The following STAT4 variants were observed in gnomAD, a reference collection of about 807,000 sequenced individuals.
The protein encoded by STAT4 is signal transducer and activator of transcription 4.
Under a neutral mutation model 110.5 loss-of-function variants are expected in STAT4, and 42 were observed. The observed-to-expected ratio is 0.38, with a 90% confidence interval of 0.30 to 0.49. The LOEUF is 0.49. Ranked by LOEUF, STAT4 falls within the 20% of genes least tolerant of loss-of-function variation. The pLI, the probability that STAT4 is intolerant of heterozygous loss-of-function variation, is 0.95. For synonymous variants in STAT4, 284 were observed against 302.2 expected (o/e 0.94, Z 0.63); for missense variants, 632 against 887.9 (o/e 0.71, Z 3.66).
At chr2:191,064,995 A>C (rs368436903) in intron 7 of STAT4, 37 bp from the exon 8 acceptor site, 9 of 1,489,626 alleles carry the variant, frequency 6.0e-6, no homozygotes, top group Non-Finnish European at 8.1e-6. Context: ...GAGTTTCATA[A>C]GAAATAAGTC....
chr2:191,136,928 G>A (rs1699194639), intron 3 of STAT4, among the ~76,000 whole-genome samples: 1 of 152,022 alleles, frequency 6.6e-6, no homozygotes. Context: ...AATTAGCTGA[G>A]AAAGAAATCA....
At chr2:191,148,530 C>G (rs1404692355) in intron 1 of STAT4, among the ~76,000 whole-genome samples, 1 of 152,192 alleles carries the variant, frequency 6.6e-6, no homozygotes, top group Non-Finnish European at 1.5e-5. Flanking sequence ...AGCTCTTTCC[C>G]TATCTCTTGT....
rs1574139503 is a variant in STAT4 at position 191,083,303 on chromosome 2, G to A, written c.274-6978C>T. On this transcript the variant is annotated intron_variant, in intron 3 of 23. Transcript: ENST00000392320. This position sits in a 1 kb window ranked among gnomAD's most constrained non-coding sequence, Gnocchi z 4.6. ...GATGGGCTGAGAACCCTTGAAGTTG[G>A]TATGGAATATGTGACAGAGTTATCT... is the stretch of plus-strand genomic sequence containing the variant. Among the ~76,000 whole-genome samples the A allele has an allele frequency of 6.6e-6, 1 of 152,186 alleles. No homozygotes were observed. The highest frequency in any genetic ancestry group is 6.5e-5 in the Admixed American group (1 of 15,280).
At chr2:191,126,143 A>C (rs1266164045) in intron 3 of STAT4, among the ~76,000 whole-genome samples, 1 of 152,234 alleles carries the variant, frequency 6.6e-6, no homozygotes, top group Non-Finnish European at 1.5e-5. Flanking sequence ...CTTGTTTTCA[A>C]GCAGATCTAT....
chr2:191,139,942 C>T (rs1015606539), intron 3 of STAT4, among the ~76,000 whole-genome samples: 4 of 151,914 alleles, frequency 2.6e-5, no homozygotes, highest in African/African-American at 4.8e-5. Flanking sequence ...AACCCAGAAA[C>T]AAAGGCAAAT....
chr2:191,116,231 T>C lies in STAT4; in HGVS notation c.273+30382A>G, dbSNP rs775692574. Among the ~76,000 whole-genome samples the C allele has an allele frequency of 6.6e-6, 1 of 152,208 alleles. No homozygotes were observed. The highest frequency in any genetic ancestry group is 6.5e-5 in the Admixed American group (1 of 15,278). On this transcript the variant is annotated intron_variant, in intron 3 of 23. Transcript: ENST00000392320. This position sits in a 1 kb window ranked among gnomAD's most constrained non-coding sequence, Gnocchi z 4.1. ...GTTCACTGATGCTGACAAGAGGGAA[T>C]TGGTTTGATAATACAGTGCTTTTAC...
rs558264025 is a variant in STAT4, at chr2:191,126,664, T to C, written c.273+19949A>G. Among the ~76,000 whole-genome samples, 24 of 152,324 alleles carry C rather than the reference T, an allele frequency of 1.6e-4. No homozygotes were observed. In the South Asian group the frequency reaches 4.8e-3, roughly 30 times the overall value. On this transcript the variant is annotated intron_variant, in intron 3 of 23. Coordinates refer to ENST00000392320, the MANE Select transcript of STAT4 (RefSeq NM_003151.4). ...TTGGCAGCTTCTCTGCAAGCTTCTGTTACAGCTGTCAGGCCAGCAGATTCA... is the reference window on the plus strand; with the variant it reads ...TTGGCAGCTTCTCTGCAAGCTTCTGCTACAGCTGTCAGGCCAGCAGATTCA...
rs949604570 is a variant in STAT4, at chr2:191,150,704, C to G, written c.-2+243G>C. Among the ~76,000 whole-genome samples, 1 of 152,200 alleles carries G rather than the reference C, an allele frequency of 6.6e-6. No homozygotes were observed. Among genetic ancestry groups the G allele is most frequent in the Non-Finnish European group, 1.5e-5 (1 of 68,030 alleles). On this transcript the variant is annotated intron_variant, in intron 1 of 23. Transcript: ENST00000392320. The surrounding 1 kb of genome is among the most constrained non-coding windows in gnomAD (Gnocchi z 6.4). Reference sequence around the variant, plus strand: ...CAGCCGCCGCAGCTCCCCTGGCCCCCGCAGGGAGATTCGCCCGGGCACCGT... The same window carrying G: ...CAGCCGCCGCAGCTCCCCTGGCCCCGGCAGGGAGATTCGCCCGGGCACCGT...
intron 3 of STAT4, among the ~76,000 whole-genome samples, chr2:191,133,929 T>C (rs569153190): frequency 1.3e-5 from 2 of 148,320 alleles, no homozygotes; most frequent in East Asian, 3.9e-4. Flanking sequence ...CAAAAAGAAA[T>C]GAGCTATTAA....
Position 191,051,016 on chromosome 2 carries a change from C to T in STAT4, c.1251+3474G>A, listed in dbSNP as rs751037576. Among the ~76,000 whole-genome samples the T allele has an allele frequency of 3.3e-5, 5 of 152,032 alleles. No homozygotes were observed. The highest frequency in any genetic ancestry group is 6.6e-5 in the Admixed American group (1 of 15,264). On this transcript the variant is annotated intron_variant, in intron 14 of 23. Transcript: ENST00000392320. The surrounding 1 kb of genome is among the most constrained non-coding windows in gnomAD (Gnocchi z 5.6). ...CTTACAACCAAAAAGTAGAATGGAGCGACCCAAAATTGTGTGTGTGCGTGT... is the reference window on the plus strand; with the variant it reads ...CTTACAACCAAAAAGTAGAATGGAGTGACCCAAAATTGTGTGTGTGCGTGT...
chr2:191,137,501 A>T (rs1174943436), intron 3 of STAT4, among the ~76,000 whole-genome samples: 1 of 152,210 alleles, frequency 6.6e-6, no homozygotes, highest in Non-Finnish European at 1.5e-5. Flanking sequence ...AAATAGAAAA[A>T]ACAAAATAGT....
chr2:191,062,323 T>A lies in STAT4; in HGVS notation c.941+439A>T, dbSNP rs575972318. Among the ~76,000 whole-genome samples, 1 of 152,314 alleles carries A rather than the reference T, an allele frequency of 6.6e-6. No individual in the cohort carries two copies. The highest frequency in any genetic ancestry group is 1.9e-4 in the East Asian group (1 of 5,184). ...CCCTTGCCTCAGCCTCCCAAGGTGC[T>A]GAGATTACAGGTGTGAGCCACCATA... On this transcript the variant is annotated intron_variant, in intron 9 of 23. Transcript: ENST00000392320. The surrounding 1 kb of genome is among the most constrained non-coding windows in gnomAD (Gnocchi z 4.9).
chr2:191,127,991 G>A (rs1426879608), intron 3 of STAT4, among the ~76,000 whole-genome samples: 3 of 152,190 alleles, frequency 2.0e-5, no homozygotes, highest in Non-Finnish European at 4.4e-5. Context: ...AACTTAGTGC[G>A]ATATGCACAA....
chr2:191,104,965 T>A lies in STAT4; in HGVS notation c.274-28640A>T, dbSNP rs1208431952. Among the ~76,000 whole-genome samples, 3 of 151,680 alleles carry A rather than the reference T, an allele frequency of 2.0e-5. No homozygotes were observed. Among genetic ancestry groups the A allele is most frequent in the Non-Finnish European group, 4.4e-5 (3 of 67,904 alleles). On this transcript the variant is annotated intron_variant, in intron 3 of 23. Transcript: ENST00000392320. The surrounding 1 kb of genome is among the most constrained non-coding windows in gnomAD (Gnocchi z 4.3). ...TTAAAAAGGAAAGGTATAATCAGAG[T>A]TGGCATTATTTTCAGGGAGAAGACC...
Position 191,031,345 on chromosome 2 carries a change from C to A in STAT4, c.2111+105G>T. 8.5e-7 allele frequency: 1 copy of A among 1,178,856 alleles called. No homozygotes were observed. Among genetic ancestry groups the A allele is most frequent in the Non-Finnish European group, 1.2e-6 (1 of 833,734 alleles). 73.0% of individuals were successfully genotyped at this position (1,178,856 alleles called of 1,614,324 possible). On this transcript the variant is annotated intron_variant, in intron 22 of 23. Coordinates refer to ENST00000392320, the MANE Select transcript of STAT4 (RefSeq NM_003151.4). This position sits in a 1 kb window ranked among gnomAD's most constrained non-coding sequence, Gnocchi z 4.8. ...GTATTAAAGGAAATGGGACATTGCA[C>A]ATTACAATGCTTTGTTCTCAGTTAT...
In STAT4 at chr2:191,113,722, T is replaced by C. The variant is rs1033322592; in HGVS notation, c.273+32891A>G. On this transcript the variant is annotated intron_variant, in intron 3 of 23. Transcript: ENST00000392320. This position sits in a 1 kb window ranked among gnomAD's most constrained non-coding sequence, Gnocchi z 4.8. Reference sequence around the variant, plus strand: ...CATCAAAAGGAGCAGGGAAATAGGATAGAGAAAAAATAATTACGGAAACCA... The same window carrying C: ...CATCAAAAGGAGCAGGGAAATAGGACAGAGAAAAAATAATTACGGAAACCA... Among the ~76,000 whole-genome samples the C allele has an allele frequency of 3.9e-5, 6 of 152,098 alleles. No individual in the cohort carries two copies. The highest frequency in any genetic ancestry group is 1.4e-4 in the African/African-American group (6 of 41,426).
At chr2:191,103,841 T>C (rs1231307369) in intron 3 of STAT4, among the ~76,000 whole-genome samples, 1 of 152,212 alleles carries the variant, frequency 6.6e-6, no homozygotes, top group Non-Finnish European at 1.5e-5. Flanking sequence ...GCTACTAATA[T>C]GTTTAATGTC....
intron 14 of STAT4, among the ~76,000 whole-genome samples, chr2:191,048,420 A>G (rs547998521): frequency 1.3e-5 from 2 of 152,246 alleles, no homozygotes; most frequent in Admixed American, 6.5e-5. Context: ...AAGCTAGAAC[A>G]CTATTCAGTC....
intron 14 of STAT4, among the ~76,000 whole-genome samples, chr2:191,045,889 G>A (rs888153266): frequency 1.3e-5 from 2 of 152,138 alleles, no homozygotes; most frequent in African/African-American, 4.8e-5. Flanking sequence ...CTCCCAGCAC[G>A]TCAACACATC....
Sources: allele counts gnomAD v4.1 joint callset (sites outside exome capture counted in the v4.1 genomes callset), GRCh38; gene constraint gnomAD v4.1.1; non-coding constraint Gnocchi (gnomAD v3.1); transcripts MANE v1.5; gene names NCBI Gene and HGNC (gene_info 2026-07-23, HGNC 2026-07-21).